The following ADAM23 variants were observed in gnomAD, a reference collection of about 807,000 sequenced individuals.
ADAM23 encodes disintegrin and metalloproteinase domain-containing protein 23.
In ADAM23, 33 loss-of-function variants were observed where a neutral mutation model predicts 120.1. That is an observed-to-expected ratio of 0.27 (90% CI 0.21 to 0.37). The LOEUF (loss-of-function observed/expected upper bound fraction) is 0.37. Among genes scored for constraint, ADAM23 ranks in the 10% least tolerant of loss-of-function variants. The probability of loss-of-function intolerance (pLI) is 1.00; values close to 1 mark genes in which losing one functional copy is unlikely to be tolerated. For missense variants in ADAM23, 862 were observed against 1,058.2 expected (o/e 0.81, Z 2.57); for synonymous variants, 367 against 375.2 (o/e 0.98, Z 0.25).
intron 24 of ADAM23, among the ~76,000 whole-genome samples, chr2:206,602,568 G>T (rs762423024): frequency 1.6e-4 from 24 of 152,218 alleles, no homozygotes; most frequent in Non-Finnish European, 2.9e-4. Context: ...GATGCCTCCT[G>T]CCTGTGAAGT....
chr2:206,527,844 G>A (rs1196419536), intron 3 of ADAM23, among the ~76,000 whole-genome samples: 11 of 152,138 alleles, frequency 7.2e-5, no homozygotes. Context: ...GAGTGGACTG[G>A]CATGGTGAGG....
At chr2:206,529,907 G>A (rs1697016605) in intron 3 of ADAM23, among the ~76,000 whole-genome samples, 1 of 152,096 alleles carries the variant, frequency 6.6e-6, no homozygotes. Flanking sequence ...CGCCTCCTGA[G>A]TTCAAGCGAT....
intron 9 of ADAM23, among the ~76,000 whole-genome samples, chr2:206,554,741 C>T (rs1036064410): frequency 2.6e-5 from 4 of 152,120 alleles, no homozygotes; most frequent in Non-Finnish European, 5.9e-5. Flanking sequence ...GATAATAAAA[C>T]CCACCTCATA....
intron 1 of ADAM23, among the ~76,000 whole-genome samples, chr2:206,444,954 T>C (rs1451752045): frequency 6.6e-6 from 1 of 152,014 alleles, no homozygotes; most frequent in East Asian, 1.9e-4. Flanking sequence ...GCAGGACCCC[T>C]GAACATGTTC....
intron 2 of ADAM23, among the ~76,000 whole-genome samples, chr2:206,448,641 G>A (rs937272251): frequency 2.6e-5 from 4 of 152,144 alleles, no homozygotes; most frequent in African/African-American, 9.7e-5. Context: ...AGAGGCAGAA[G>A]GTTGAGTTGA....
intron 21 of ADAM23, among the ~76,000 whole-genome samples, chr2:206,591,580 T>C (rs1299895653): frequency 1.3e-5 from 2 of 152,240 alleles, no homozygotes; most frequent in African/African-American, 4.8e-5. Flanking sequence ...TTTTCATTTT[T>C]TGGCTGTTAG....
At chr2:206,599,311 T>C (rs1398339056) in intron 24 of ADAM23, among the ~76,000 whole-genome samples, 1 of 152,142 alleles carries the variant, frequency 6.6e-6, no homozygotes, top group Non-Finnish European at 1.5e-5. Flanking sequence ...AAGTTATCTA[T>C]TGGTTCTAAA....
intron 3 of ADAM23, 65 bp downstream of exon 3, chr2:206,481,373 G>T: frequency 8.1e-7 from 1 of 1,228,784 alleles, no homozygotes; most frequent in Non-Finnish European, 1.1e-6. Context: ...TATAATATCG[G>T]TTTAGTCAAA....
intron 10 of ADAM23, among the ~76,000 whole-genome samples, chr2:206,558,395 C>A (rs1217001424): frequency 6.6e-6 from 1 of 152,144 alleles, no homozygotes; most frequent in African/African-American, 2.4e-5. Context: ...CTTATTTACT[C>A]CAAAGAGCTG....
chr2:206,443,691 G>A lies in ADAM23; in HGVS notation c.-176G>A. ...GTGGCTGCGAGGCTAGGCGAGCCGG[G>A]AAAGGGGGCGCCGCCCAGCCCCGAG... On this transcript the variant is annotated 5_prime_UTR_variant, in exon 1 of 26. Coordinates refer to ENST00000264377, the MANE Select transcript of ADAM23 (RefSeq NM_003812.4). 5.8e-6 allele frequency: 1 copy of A among 172,818 alleles called. No homozygotes were observed. Among genetic ancestry groups the A allele is most frequent in the Non-Finnish European group, 1.1e-5 (1 of 89,068 alleles). 10.7% of individuals were successfully genotyped at this position (172,818 alleles called of 1,614,324 possible). A position where few individuals can be genotyped will look rare whatever the true frequency, so the allele number is the denominator to read the frequency against.
intron 2 of ADAM23, among the ~76,000 whole-genome samples, chr2:206,450,121 G>A (rs913669977): frequency 1.3e-5 from 2 of 152,112 alleles, no homozygotes; most frequent in African/African-American, 4.8e-5. Context: ...ATAGGATGAA[G>A]ACTCCCACCT....
intron 9 of ADAM23, among the ~76,000 whole-genome samples, chr2:206,551,296 G>A (rs577496618): frequency 6.6e-6 from 1 of 152,252 alleles, no homozygotes; most frequent in East Asian, 1.9e-4. Context: ...GATGTATCTA[G>A]TTGGCTCTCG....
intron 15 of ADAM23, among the ~76,000 whole-genome samples, chr2:206,568,875 TA>T (rs1213634713): frequency 6.6e-6 from 1 of 152,192 alleles, no homozygotes; most frequent in Non-Finnish European, 1.5e-5. Context: ...AACCCATAAT[TA>T]AGTGACACTA....
chr2:206,467,347 G>T (rs1695561785), intron 2 of ADAM23, among the ~76,000 whole-genome samples: 1 of 152,172 alleles, frequency 6.6e-6, no homozygotes, highest in Admixed American at 6.5e-5. Flanking sequence ...TACAATAGAG[G>T]TACAGGCATT....
chr2:206,445,414 C>T lies in ADAM23; in HGVS notation c.322C>T (p.Gln108Ter). 1 of 1,614,010 alleles carries T rather than the reference C, an allele frequency of 6.2e-7. No homozygotes were observed. Among genetic ancestry groups the T allele is most frequent in the Non-Finnish European group, 8.5e-7 (1 of 1,179,966 alleles). ...TAATATCAGTTACAGCAATGCAATGCAGAAAGAAATCACACTGCCTTCAAG... is the reference window on the plus strand; with the variant it reads ...TAATATCAGTTACAGCAATGCAATGTAGAAAGAAATCACACTGCCTTCAAG... The part of the protein sequence containing the change: ...SSNISYSNAM[Q>*]KEITLPSRLI... Residue 108 changes from glutamine to a stop codon, truncating the protein, a stop_gained, in exon 2 of 26, where the codon CAG becomes TAG. Coordinates refer to ENST00000264377, the MANE Select transcript of ADAM23 (RefSeq NM_003812.4). LOFTEE classifies it high-confidence loss of function.
chr2:206,571,692 G>A (rs751140345), intron 16 of ADAM23, 35 bp from the exon 17 acceptor site: 2 of 1,519,370 alleles, frequency 1.3e-6, no homozygotes, highest in Non-Finnish European at 1.8e-6. Flanking sequence ...AGCAGGTAAG[G>A]CTCTTCGCTT....
Position 206,464,820 on chromosome 2 carries a change from T to G in ADAM23, c.433-16412T>G, listed in dbSNP as rs931179039. The stretch of plus-strand genomic sequence containing the variant: ...GGTGGAGGCTAGTGATGCTGCCAAA[T>G]GTACCACAGGGCACAGGACAGTCCC... On this transcript the variant is annotated intron_variant, in intron 2 of 25. Transcript: ENST00000264377. Among the ~76,000 whole-genome samples, 4 of 151,972 alleles carry G rather than the reference T, an allele frequency of 2.6e-5. No homozygotes were observed. The East Asian group carries it at 7.7e-4, about 29-fold the overall frequency.
At chr2:206,587,208 GT>G in intron 18 of ADAM23, 116 bp from the exon 19 acceptor site, 1 of 680,286 alleles carries the variant, frequency 1.5e-6, no homozygotes, top group African/African-American at 1.8e-5. Flanking sequence ...AGTTGCATGT[GT>G]TTTTCTCAAT....
At chr2:206,587,481 C>G in intron 19 of ADAM23, 106 bp downstream of exon 19, 1 of 824,890 alleles carries the variant, frequency 1.2e-6, no homozygotes, top group Non-Finnish European at 1.8e-6. Context: ...GAATTTTACT[C>G]AAGTAAATTA....
Sources: gnomAD v4.1 joint callset for allele counts (sites outside exome capture counted in the v4.1 genomes callset) on GRCh38, gnomAD v4.1.1 for gene constraint, MANE v1.5 for transcripts, NCBI Gene and HGNC (gene_info 2026-07-23, HGNC 2026-07-21) for gene names.